The following MAML3 variants were observed in gnomAD, a reference collection of about 807,000 sequenced individuals.
MAML3 encodes mastermind-like protein 3.
Under a neutral mutation model 101.9 loss-of-function variants are expected in MAML3, and 27 were observed. The ratio of observed to expected loss-of-function variants is 0.27; its 90% CI spans 0.20 to 0.37. The LOEUF is 0.37. MAML3 is among the 10% of genes least tolerant of loss of function. The pLI, the probability that MAML3 is intolerant of heterozygous loss-of-function variation, is 1.00. For synonymous variants in MAML3, 501 were observed against 555.9 expected (o/e 0.90, Z 1.39); for missense variants, 1,316 against 1,444.9 (o/e 0.91, Z 1.45).
chr4:139,924,885 T>C (rs2111238199), intron 1 of MAML3, among the ~76,000 whole-genome samples: 1 of 152,290 alleles, frequency 6.6e-6, no homozygotes, highest in South Asian at 2.1e-4. Flanking sequence ...ATTACTAGAA[T>C]GCTTCATGAG....
intron 1 of MAML3, among the ~76,000 whole-genome samples, chr4:140,008,216 G>A (rs1198225582): frequency 1.3e-5 from 2 of 152,120 alleles, no homozygotes; most frequent in Non-Finnish European, 2.9e-5. Flanking sequence ...GCGTGGTGGC[G>A]CATGCCTGTG....
intron 1 of MAML3, among the ~76,000 whole-genome samples, chr4:139,911,655 C>T (rs1246683854): frequency 1.3e-5 from 2 of 152,266 alleles, no homozygotes; most frequent in South Asian, 2.1e-4. Flanking sequence ...GAGGTGCAGC[C>T]TTTGGAAGGT....
intron 1 of MAML3, among the ~76,000 whole-genome samples, chr4:140,066,722 A>G (rs765671395): frequency 8.5e-5 from 13 of 152,230 alleles, no homozygotes; most frequent in Middle Eastern, 3.2e-3. Flanking sequence ...GCCTGTGTGG[A>G]CCTGGCCTAG....
rs959417708 is a variant in MAML3, at chr4:140,154,104, T to C, written c.-777A>G. 5.0e-5 allele frequency: 9 copies of C among 181,208 alleles called. No homozygotes were observed. The highest frequency in any genetic ancestry group is 8.0e-5 in the Non-Finnish European group (7 of 86,970). The allele number at this position is 181,208 out of a possible 1,614,324, so 11.2% of individuals were successfully genotyped here. A position where few individuals can be genotyped will look rare whatever the true frequency, so the allele number is the denominator to read the frequency against. ...TCCTGCCACCATCACAATGATCAAC[T>C]GCTCGCCGCCGCCGCCGCCGCCGCC... On this transcript the variant is annotated 5_prime_UTR_variant, in exon 1 of 5. Coordinates refer to ENST00000509479, the MANE Select transcript of MAML3 (RefSeq NM_018717.5).
chr4:140,124,317 C>T (rs931071944), intron 1 of MAML3, among the ~76,000 whole-genome samples: 1 of 152,138 alleles, frequency 6.6e-6, no homozygotes. Flanking sequence ...GCCCAAGATA[C>T]AACCTTCTTG....
intron 2 of MAML3, among the ~76,000 whole-genome samples, chr4:139,760,558 T>C (rs1392635399): frequency 1.3e-5 from 2 of 152,194 alleles, no homozygotes; most frequent in African/African-American, 4.8e-5. Flanking sequence ...TTATTAAATG[T>C]GGCCAGACAA....
chr4:140,095,922 G>A (rs1404022537), intron 1 of MAML3, among the ~76,000 whole-genome samples: 1 of 152,174 alleles, frequency 6.6e-6, no homozygotes, highest in Non-Finnish European at 1.5e-5. Context: ...TCTGTCATTG[G>A]ATCAAGCTCC....
intron 1 of MAML3, among the ~76,000 whole-genome samples, chr4:140,044,480 C>T (rs779940718): frequency 2.6e-5 from 4 of 152,140 alleles, no homozygotes; most frequent in Non-Finnish European, 5.9e-5. Context: ...ACAAGTTCTT[C>T]CAGAATGGGC....
At chr4:140,033,429 T>C (rs1726938189) in intron 1 of MAML3, among the ~76,000 whole-genome samples, 1 of 151,196 alleles carries the variant, frequency 6.6e-6, no homozygotes, top group South Asian at 2.1e-4. Context: ...AGGTACGGTA[T>C]GGGAAAGAAT....
chr4:139,794,402 C>G (rs1031005792), intron 2 of MAML3: 3 of 152,184 alleles, frequency 2.0e-5, no homozygotes, highest in Admixed American at 2.0e-4. Context: ...CAGTGGGGTG[C>G]CTGGTGTCCC....
intron 2 of MAML3, among the ~76,000 whole-genome samples, chr4:139,775,858 T>C (rs1000665137): frequency 5.3e-5 from 8 of 152,208 alleles, no homozygotes; most frequent in African/African-American, 1.9e-4. Context: ...TTCAGCTTAG[T>C]TTAAAGCATT....
intron 2 of MAML3, among the ~76,000 whole-genome samples, chr4:139,836,810 A>G (rs1281420237): frequency 2.0e-5 from 3 of 152,110 alleles, no homozygotes; most frequent in African/African-American, 4.8e-5. Context: ...AAACTTTCAG[A>G]TCTTTAATTT....
intron 2 of MAML3, among the ~76,000 whole-genome samples, chr4:139,755,862 C>T (rs187019731): frequency 6.6e-6 from 1 of 152,100 alleles, no homozygotes; most frequent in Non-Finnish European, 1.5e-5. Context: ...TAAAAAAACC[C>T]CCTAACTCTG....
rs563758344 is a variant in MAML3, at chr4:139,923,414, A to G, written c.469-32447T>C. 1.1e-3 allele frequency among the ~76,000 whole-genome samples: 169 copies of G among 152,344 alleles called. 2 individuals are homozygous for G. The highest frequency in any genetic ancestry group is 3.9e-3 in the African/African-American group (162 of 41,576). On this transcript the variant is annotated intron_variant, in intron 1 of 4. Coordinates refer to ENST00000509479, the MANE Select transcript of MAML3 (RefSeq NM_018717.5). ...CATTATGATTTTACATATATTATAC[A>G]TACACAATATGTTTGGTTCTTGTGT...
Position 139,890,018 on chromosome 4 carries a change from G to A in MAML3, c.1418C>T (p.Ala473Val), listed in dbSNP as rs575618013. 1.5e-4 allele frequency: 240 copies of A among 1,609,346 alleles called. 1 individual carries two copies. In the South Asian group the frequency reaches 2.0e-3, roughly 13 times the overall value. The change falls in exon 2 of 5, where the codon GCA becomes GTA. Residue 473 changes from alanine to valine, a missense_variant. Physicochemically the swap from Ala to Val is moderately conservative, Grantham distance 64 (BLOSUM62 0). Transcript: ENST00000509479. This position sits in a 1 kb window ranked among gnomAD's most constrained non-coding sequence, Gnocchi z 4.1. ...GAGTTTGGCCCTTTGTTGCTGCTGT[G>A]CAGCCATCTGTTTGAGCTGTTCTGC... ...SPAEQLKQMA[A>V]QQQQRAKLMQ...
chr4:139,858,452 C>A (rs888266804), intron 2 of MAML3, among the ~76,000 whole-genome samples: 1 of 131,388 alleles, frequency 7.6e-6, no homozygotes, highest in African/African-American at 2.9e-5. Context: ...TGATTCTTGG[C>A]TTTTTTTTTT....
intron 1 of MAML3, among the ~76,000 whole-genome samples, chr4:139,961,530 G>T (rs1734013698): frequency 6.6e-6 from 1 of 152,142 alleles, no homozygotes; most frequent in Non-Finnish European, 1.5e-5. Flanking sequence ...CCCCTTTTTG[G>T]AAGTCATTTG....
At chr4:139,761,390 G>C (rs560743987) in intron 2 of MAML3, among the ~76,000 whole-genome samples, 2 of 152,280 alleles carry the variant, frequency 1.3e-5, no homozygotes, top group South Asian at 2.1e-4. Flanking sequence ...AGTCTGGAGG[G>C]GGCGTTAGGG....
intron 4 of MAML3, among the ~76,000 whole-genome samples, chr4:139,722,215 C>T (rs369805391): frequency 6.6e-6 from 1 of 152,144 alleles, no homozygotes; most frequent in Non-Finnish European, 1.5e-5. Context: ...TTAATCCAAG[C>T]CAACCTTTAT....
Sources: gnomAD v4.1 joint callset for allele counts (sites outside exome capture counted in the v4.1 genomes callset) on GRCh38, gnomAD v4.1.1 for gene constraint, Gnocchi (gnomAD v3.1) non-coding constraint, MANE v1.5 for transcripts, NCBI Gene and HGNC (gene_info 2026-07-23, HGNC 2026-07-21) for gene names.